The following RETREG3 variants were observed in gnomAD, a reference collection of about 807,000 sequenced individuals.
The protein encoded by RETREG3 is reticulophagy regulator family member 3.
In RETREG3, 23 loss-of-function variants were observed where a neutral mutation model predicts 50.2. The observed-to-expected ratio is 0.46, with a 90% confidence interval of 0.33 to 0.65. RETREG3 has a LOEUF of 0.65. Ranked by LOEUF, RETREG3 falls within the 30% of genes least tolerant of loss-of-function variation. The probability of loss-of-function intolerance (pLI) is 0.02; values close to 1 mark genes in which losing one functional copy is unlikely to be tolerated. For synonymous variants in RETREG3, 240 were observed against 234.4 expected (o/e 1.02, Z -0.22); for missense variants, 546 against 598.0 (o/e 0.91, Z 0.91).
chr17:42,592,190 A>T, intron 1 of RETREG3, 28 bp from the exon 2 acceptor site: 1 of 1,585,122 alleles, frequency 6.3e-7, no homozygotes, highest in Non-Finnish European at 8.6e-7. Context: ...CAGAAGAAAG[A>T]TCATTTACCT....
upstream of RETREG3, chr17:42,609,381 A>G: frequency 1.3e-6 from 2 of 1,529,096 alleles, no homozygotes; most frequent in Admixed American, 1.9e-5. Context: ...CAATAACAGC[A>G]ACTGCGCAGA....
chr17:42,597,523 G>GTGTGTA (rs1372845122), intron 1 of RETREG3, among the ~76,000 whole-genome samples: 9 of 117,022 alleles, frequency 7.7e-5, no homozygotes, highest in African/African-American at 2.8e-4. Flanking sequence ...GTGTGTGTGT[G>GTGTGTA]TATATATATA....
intron 1 of RETREG3, chr17:42,608,659 C>G (rs1447239138): frequency 3.7e-5 from 6 of 163,832 alleles, no homozygotes; most frequent in Admixed American, 3.2e-4. Flanking sequence ...CCTATGGATA[C>G]CTTTGCAAGA....
intron 7 of RETREG3, 77 bp downstream of exon 7, chr17:42,583,421 C>T: frequency 1.4e-6 from 2 of 1,427,514 alleles, no homozygotes; most frequent in Non-Finnish European, 1.9e-6. Context: ...TGGTTATGGC[C>T]TAAATGTGAG....
chr17:42,607,187 C>G (rs2093169277), intron 1 of RETREG3, among the ~76,000 whole-genome samples: 1 of 151,982 alleles, frequency 6.6e-6, no homozygotes, highest in Non-Finnish European at 1.5e-5. Context: ...CAATGGGAAT[C>G]AGTACCTAGG....
At chr17:42,597,250 G>A (rs1322323660) in intron 1 of RETREG3, among the ~76,000 whole-genome samples, 3 of 146,830 alleles carry the variant, frequency 2.0e-5, no homozygotes, top group African/African-American at 5.0e-5. Flanking sequence ...GTGCAGTGGC[G>A]TGATCTTGGC....
At chr17:42,601,887 G>A (rs548566741) in intron 1 of RETREG3, among the ~76,000 whole-genome samples, 1 of 151,972 alleles carries the variant, frequency 6.6e-6, no homozygotes, top group Admixed American at 6.6e-5. Flanking sequence ...GCCTGCCTCG[G>A]CCTCCCAAAG....
chr17:42,601,445 C>T (rs548557561), intron 1 of RETREG3, among the ~76,000 whole-genome samples: 11 of 134,358 alleles, frequency 8.2e-5, no homozygotes, highest in African/African-American at 1.1e-4. Flanking sequence ...TGGTGGTGGG[C>T]GCCTGGAGTC....
chr17:42,593,072 A>T (rs983514312), intron 1 of RETREG3, among the ~76,000 whole-genome samples: 1 of 152,158 alleles, frequency 6.6e-6, no homozygotes, highest in East Asian at 1.9e-4. Flanking sequence ...AAAAGGAAAC[A>T]CTTCTTGATT....
intron 1 of RETREG3, among the ~76,000 whole-genome samples, chr17:42,597,523 G>A (rs9907208): frequency 0.56 from 65,332 of 116,752 alleles, 17,833 homozygotes; most frequent in South Asian, 0.66. Flanking sequence ...GTGTGTGTGT[G>A]TATATATATA....
At chr17:42,589,932 G>C (rs1415651444) in intron 2 of RETREG3, among the ~76,000 whole-genome samples, 1 of 152,172 alleles carries the variant, frequency 6.6e-6, no homozygotes, top group African/African-American at 2.4e-5. Context: ...TGGGCGTGGT[G>C]GCCCACGCAG....
intron 8 of RETREG3, 123 bp downstream of exon 8, chr17:42,582,551 T>C (rs2093111732): frequency 3.5e-5 from 50 of 1,427,540 alleles, no homozygotes; most frequent in Non-Finnish European, 4.7e-5. Flanking sequence ...CTCAGGCTGC[T>C]CTGCCGCCTG....
rs1032963531 is a variant in RETREG3 at position 42,579,660 on chromosome 17, A to T, written c.*2153T>A. 2 of 152,316 alleles carry T rather than the reference A, an allele frequency of 1.3e-5. No individual in the cohort carries two copies. The highest frequency in any genetic ancestry group is 2.9e-5 in the Non-Finnish European group (2 of 68,022). 9.4% of individuals were successfully genotyped at this position (152,316 alleles called of 1,614,324 possible). On this transcript the variant is annotated 3_prime_UTR_variant, in exon 9 of 9. Transcript: ENST00000309428. Reference sequence around the variant, plus strand: ...CTCCTTCCTTCCCTCCCTCTTGCCAACTCCCAAGGCCTGAAGCGCACACTC... The same window carrying T: ...CTCCTTCCTTCCCTCCCTCTTGCCATCTCCCAAGGCCTGAAGCGCACACTC...
chr17:42,609,121 G>C lies in RETREG3; in HGVS notation c.204C>G (p.Ser68Arg). ...CGTTCAGCCCCAGGCACCACAGAGCGCTCCTAGCTGGCCGCTCCCACACCA... is the reference window on the plus strand; with the variant it reads ...CGTTCAGCCCCAGGCACCACAGAGCCCTCCTAGCTGGCCGCTCCCACACCA... ...AALVWERPARSALWCLGLNAA... is the reference protein window; with the variant it reads ...AALVWERPARRALWCLGLNAA... The change falls in exon 1 of 9, where the codon AGC becomes AGG. Residue 68 changes from serine (S) to arginine (R), a missense_variant. Physicochemically the swap from Ser to Arg is moderately radical, Grantham distance 110. Coordinates refer to ENST00000309428, the MANE Select transcript of RETREG3 (RefSeq NM_178126.4). 1 of 1,608,532 alleles carries C rather than the reference G, an allele frequency of 6.2e-7. No individual in the cohort carries two copies. The highest frequency in any genetic ancestry group is 8.5e-7 in the Non-Finnish European group (1 of 1,179,874).
Position 42,583,566 on chromosome 17 carries a change from G to A in RETREG3, c.742C>T (p.Leu248Phe). 1.2e-6 allele frequency: 2 copies of A among 1,613,738 alleles called. No individual in the cohort carries two copies. The highest frequency in any genetic ancestry group is 1.7e-6 in the Non-Finnish European group (2 of 1,179,756). Reference protein sequence around the residue: ...QRERQLRRRALHPERAMDNHS... With the variant: ...QRERQLRRRAFHPERAMDNHS... ...TTGTCCATGGCTCGTTCTGGGTGGAGAGCTCTGCGGCGTACTGTGGGAAGA... is the reference window on the plus strand; with the variant it reads ...TTGTCCATGGCTCGTTCTGGGTGGAAAGCTCTGCGGCGTACTGTGGGAAGA... The change falls in exon 7 of 9, where the codon CTC becomes TTC. Residue 248 changes from leucine to phenylalanine, a missense_variant. Transcript: ENST00000309428.
chr17:42,595,833 T>C lies in RETREG3; in HGVS notation c.240-3671A>G, dbSNP rs569214998. Reference sequence around the variant, plus strand: ...GGATTGGTTGGTTAAGTCCAGGAGGTTGAGGCAGCAGTGAACGTGTTCACG... The same window carrying C: ...GGATTGGTTGGTTAAGTCCAGGAGGCTGAGGCAGCAGTGAACGTGTTCACG... On this transcript the variant is annotated intron_variant, in intron 1 of 8. Transcript: ENST00000309428. Among the ~76,000 whole-genome samples the C allele has an allele frequency of 3.6e-3, 541 of 150,370 alleles. 3 individuals are homozygous for C. Among genetic ancestry groups the C allele is most frequent in the African/African-American group, 0.012 (513 of 41,120 alleles).
At position 42,591,528 on chromosome 17, in the gene RETREG3, C is replaced by T. The variant is rs535386720; in HGVS notation, c.346+528G>A. Reference sequence around the variant, plus strand: ...GCTAATTTTTTGTATTTTTATTAGACGGGGTTTCATCATGTTGGCCAGGCT... The same window carrying T: ...GCTAATTTTTTGTATTTTTATTAGATGGGGTTTCATCATGTTGGCCAGGCT... On this transcript the variant is annotated intron_variant, in intron 2 of 8. Transcript: ENST00000309428. Among the ~76,000 whole-genome samples the T allele has an allele frequency of 1.6e-4, 24 of 152,022 alleles. No homozygotes were observed. The South Asian group carries it at 3.3e-3, about 21-fold the overall frequency.
At chr17:42,589,968 A>T (rs568393950) in intron 2 of RETREG3, among the ~76,000 whole-genome samples, 35 of 152,336 alleles carry the variant, frequency 2.3e-4, no homozygotes, top group African/African-American at 8.2e-4. Flanking sequence ...TGGAAGGCCA[A>T]GGCACGCGGA....
Position 42,582,131 on chromosome 17 carries a change from C to T in RETREG3, c.1083G>A (p.Pro361=), listed in dbSNP as rs372213101. The T allele has an allele frequency of 2.2e-5, 35 of 1,614,070 alleles. No homozygotes were observed. The highest frequency in any genetic ancestry group is 1.6e-4 in the African/African-American group (12 of 75,018). The part of the protein sequence containing the change: ...IGMPSLMYRS[P]PGAEEPQAPP... The stretch of plus-strand genomic sequence containing the variant: ...GGGCCTGGGGCTCCTCAGCCCCTGG[C>T]GGAGAACGGTACATCAAGCTGGGCA... The change falls in exon 9 of 9, where the codon CCG becomes CCA. Residue 361 remains proline (P), a synonymous_variant. Transcript: ENST00000309428.
Sources: allele counts gnomAD v4.1 joint callset (sites outside exome capture counted in the v4.1 genomes callset), GRCh38; gene constraint gnomAD v4.1.1; transcripts MANE v1.5; gene names NCBI Gene and HGNC (gene_info 2026-07-23, HGNC 2026-07-21).